SPSB4: variants seen among roughly 807,000 people sequenced by gnomAD.
The protein encoded by SPSB4 is splA/ryanodine receptor domain and SOCS box containing 4.
In SPSB4, 21 loss-of-function variants were observed where a neutral mutation model predicts 20.9. The observed-to-expected ratio is 1.01, with a 90% CI of 0.71 to 1.45. SPSB4 has a LOEUF of 1.45. Ranked by LOEUF, SPSB4 falls within the 40% of genes most tolerant of loss-of-function variation. SPSB4 has a pLI of 0.00. For missense variants in SPSB4, 399 were observed against 399.2 expected (o/e 1.00, Z 0.00); for synonymous variants, 207 against 183.8 (o/e 1.13, Z -1.02).
intron 2 of SPSB4, among the ~76,000 whole-genome samples, chr3:141,125,757 C>G (rs2107802845): frequency 6.6e-6 from 1 of 152,338 alleles, no homozygotes. Context: ...TGCAATTCAG[C>G]TCCTGCATAT....
At chr3:141,073,294 G>A (rs62283577) in intron 2 of SPSB4, among the ~76,000 whole-genome samples, 4,079 of 152,316 alleles carry the variant, frequency 0.027, 95 homozygotes, top group Middle Eastern at 0.068. Context: ...TCTGATTGCG[G>A]TGCTGAGCTC....
At position 141,060,524 on chromosome 3, in the gene SPSB4, C is replaced by T. The variant is rs1937741636; in HGVS notation, c.-153-5428C>T. Among the ~76,000 whole-genome samples the T allele has an allele frequency of 2.0e-5, 3 of 152,176 alleles. No homozygotes were observed. In the South Asian group the frequency reaches 6.2e-4, roughly 32 times the overall value. Reference sequence around the variant, plus strand: ...ACCCCAGGTTATGCAAGTTATGCAACCTCTCTGAGCCCGGGCTGCTATTGC... The same window carrying T: ...ACCCCAGGTTATGCAAGTTATGCAATCTCTCTGAGCCCGGGCTGCTATTGC... On this transcript the variant is annotated intron_variant, in intron 1 of 2. Coordinates refer to ENST00000310546, the MANE Select transcript of SPSB4 (RefSeq NM_080862.3).
chr3:141,139,428 C>G (rs1225353458), intron 2 of SPSB4, among the ~76,000 whole-genome samples: 1 of 152,186 alleles, frequency 6.6e-6, no homozygotes, highest in African/African-American at 2.4e-5. Context: ...TTCTTCCTAG[C>G]CTCGATGGTC....
At chr3:141,095,162 C>T (rs775288550) in intron 2 of SPSB4, among the ~76,000 whole-genome samples, 32 of 152,212 alleles carry the variant, frequency 2.1e-4, no homozygotes, top group Non-Finnish European at 3.8e-4. Flanking sequence ...CTTCAGCCAC[C>T]GTGCAGAAAG....
intron 2 of SPSB4, among the ~76,000 whole-genome samples, chr3:141,106,924 G>T (rs911665582): frequency 6.6e-6 from 1 of 152,142 alleles, no homozygotes; most frequent in Non-Finnish European, 1.5e-5. Flanking sequence ...TCTGTATGGG[G>T]TCATCTTTCT....
intron 2 of SPSB4, among the ~76,000 whole-genome samples, chr3:141,075,278 AAC>A (rs961932149): frequency 2.0e-5 from 3 of 152,092 alleles, no homozygotes; most frequent in African/African-American, 7.2e-5. Flanking sequence ...GTCTCCCCAC[AAC>A]ACACACAGAT....
At chr3:141,130,030 C>T (rs1412262839) in intron 2 of SPSB4, among the ~76,000 whole-genome samples, 2 of 152,196 alleles carry the variant, frequency 1.3e-5, no homozygotes, top group African/African-American at 4.8e-5. Flanking sequence ...TGAAGCTTGT[C>T]AACAGAAAAC....
At chr3:141,143,659 A>C (rs1939370948) in intron 2 of SPSB4, among the ~76,000 whole-genome samples, 1 of 152,256 alleles carries the variant, frequency 6.6e-6, no homozygotes, top group Admixed American at 6.5e-5. Context: ...AGGATTTGGC[A>C]TGCAGTGGAA....
intron 2 of SPSB4, among the ~76,000 whole-genome samples, chr3:141,118,451 T>G (rs890469219): frequency 2.0e-5 from 3 of 152,382 alleles, no homozygotes; most frequent in East Asian, 1.9e-4. Flanking sequence ...GCCTGTTCAC[T>G]CTGATGATAG....
intron 1 of SPSB4, among the ~76,000 whole-genome samples, chr3:141,060,338 T>C (rs1190656721): frequency 6.6e-6 from 1 of 152,170 alleles, no homozygotes; most frequent in East Asian, 1.9e-4. Flanking sequence ...GATAAAGCAG[T>C]TTCCCTTAGA....
Position 141,066,148 on chromosome 3 carries a change from G to A in SPSB4, c.44G>A (p.Arg15Gln). 1 of 1,532,660 alleles carries A rather than the reference G, an allele frequency of 6.5e-7. No homozygotes were observed. The allele number at this position is 1,532,660 out of a possible 1,614,324, so 94.9% of individuals were successfully genotyped here. The change falls in exon 2 of 3, where the codon CGA (arginine) becomes CAA (glutamine). Residue 15 changes from arginine (R) to glutamine (Q), a missense_variant. Coordinates refer to ENST00000310546, the MANE Select transcript of SPSB4 (RefSeq NM_080862.3). ...LSGSLKSVEV[R>Q]EPALRPAKRE... is the part of the protein sequence containing the mutation. The stretch of plus-strand genomic sequence containing the variant: ...GGGAGCCTCAAGTCAGTGGAGGTGC[G>A]AGAGCCGGCGCTGCGGCCGGCCAAG...
At chr3:141,142,901 C>T (rs1196618673) in intron 2 of SPSB4, among the ~76,000 whole-genome samples, 1 of 136,912 alleles carries the variant, frequency 7.3e-6, no homozygotes, top group Non-Finnish European at 1.5e-5. Flanking sequence ...ATTGCAAGTT[C>T]CACCTCCCAG....
At chr3:141,141,649 A>C (rs955665215) in intron 2 of SPSB4, among the ~76,000 whole-genome samples, 1 of 152,194 alleles carries the variant, frequency 6.6e-6, no homozygotes, top group Non-Finnish European at 1.5e-5. Context: ...TACCTGATAG[A>C]ATTCAGCTGT....
rs755245292 is a variant in SPSB4, at chr3:141,066,314, C to T, written c.210C>T (p.Asp70=). 1.5e-5 allele frequency: 24 copies of T among 1,573,494 alleles called. No homozygotes were observed. Among genetic ancestry groups the T allele is most frequent in the Admixed American group, 1.8e-5 (1 of 54,870 alleles). The change falls in exon 2 of 3, where the codon GAC becomes GAT. Residue 70 remains aspartate (D), a synonymous_variant. Transcript: ENST00000310546. ...CGCTCAACGTCTTCGTCAAGGACGA[C>T]GACCGGCTCACCTTCCACCGGCACC... ...DRSLNVFVKD[D]DRLTFHRHPV...
chr3:141,101,178 G>A (rs1400270849), intron 2 of SPSB4, among the ~76,000 whole-genome samples: 1 of 152,182 alleles, frequency 6.6e-6, no homozygotes, highest in African/African-American at 2.4e-5. Flanking sequence ...AATGGTGGGT[G>A]GAGCTTAGAG....
At chr3:141,140,813 G>A (rs1007464002) in intron 2 of SPSB4, among the ~76,000 whole-genome samples, 3 of 149,614 alleles carry the variant, frequency 2.0e-5, no homozygotes, top group African/African-American at 7.4e-5. Flanking sequence ...CCCGTTCTCA[G>A]ATCTCAAGCT....
Position 141,147,290 on chromosome 3 carries a change from C to G in SPSB4, c.*21C>G. The G allele has an allele frequency of 6.2e-7, 1 of 1,613,816 alleles. No individual in the cohort carries two copies. Among genetic ancestry groups the G allele is most frequent in the Non-Finnish European group, 8.5e-7 (1 of 1,179,790 alleles). ...AGTGAGCCAAGCCTGATGGGCAGCA[C>G]AGACACAGACACACACCGCAGGGCC... On this transcript the variant is annotated 3_prime_UTR_variant, in exon 3 of 3. Transcript: ENST00000310546.
chr3:141,091,128 T>C (rs1447437868), intron 2 of SPSB4, among the ~76,000 whole-genome samples: 4 of 152,154 alleles, frequency 2.6e-5, no homozygotes. Context: ...CCATCGGACA[T>C]CCATGAGGAG....
At chr3:141,105,988 A>C (rs1305614349) in intron 2 of SPSB4, among the ~76,000 whole-genome samples, 1 of 152,230 alleles carries the variant, frequency 6.6e-6, no homozygotes, top group East Asian at 1.9e-4. Flanking sequence ...ATTTTGCATA[A>C]CGGGATGTAA....
Sources: allele counts gnomAD v4.1 joint callset (sites outside exome capture counted in the v4.1 genomes callset), GRCh38; gene constraint gnomAD v4.1.1; transcripts MANE v1.5; gene names NCBI Gene and HGNC (gene_info 2026-07-23, HGNC 2026-07-21).